The following ARHGAP22 variants were observed in gnomAD, a reference collection of about 807,000 sequenced individuals.
ARHGAP22 encodes the protein rho GTPase-activating protein 22.
A neutral mutation model predicts 59.1 loss-of-function variants in ARHGAP22; 48 were observed. That is an observed-to-expected ratio of 0.81 (90% CI 0.64 to 1.03). ARHGAP22 has a LOEUF of 1.03. Ranked by LOEUF, ARHGAP22 falls within the 50% of genes least tolerant of loss-of-function variation. The probability of loss-of-function intolerance (pLI) is 0.00; values close to 1 mark genes in which losing one functional copy is unlikely to be tolerated. For missense variants in ARHGAP22, 1,015 were observed against 958.7 expected (o/e 1.06, Z -0.78); for synonymous variants, 445 against 416.4 (o/e 1.07, Z -0.84).
intron 1 of ARHGAP22, among the ~76,000 whole-genome samples, chr10:48,590,476 G>C (rs1333352488): frequency 6.6e-6 from 1 of 152,156 alleles, no homozygotes; most frequent in Non-Finnish European, 1.5e-5. Context: ...CCTCTGCTCG[G>C]AAGTGCCCCA....
chr10:48,643,090 C>T (rs1201230353), intron 1 of ARHGAP22, among the ~76,000 whole-genome samples: 1 of 152,184 alleles, frequency 6.6e-6, no homozygotes, highest in African/African-American at 2.4e-5. Context: ...CAAGAAACAA[C>T]AGGTGCTGGA....
At chr10:48,567,723 G>A (rs2058137459) in intron 2 of ARHGAP22, among the ~76,000 whole-genome samples, 1 of 152,058 alleles carries the variant, frequency 6.6e-6, no homozygotes, top group South Asian at 2.1e-4. Flanking sequence ...AAAACTGCCA[G>A]TGACCTCCAG....
intron 2 of ARHGAP22, among the ~76,000 whole-genome samples, chr10:48,579,661 G>A (rs964289611): frequency 6.6e-5 from 10 of 152,216 alleles, no homozygotes; most frequent in African/African-American, 2.4e-4. Flanking sequence ...AGGAATGTGG[G>A]CTGGGAGTGA....
intron 1 of ARHGAP22, among the ~76,000 whole-genome samples, chr10:48,593,976 T>G (rs938654709): frequency 2.0e-5 from 3 of 152,228 alleles, no homozygotes; most frequent in African/African-American, 7.2e-5. Context: ...GGGAATGAAT[T>G]TTTTTATTAT....
chr10:48,462,352 T>C lies in ARHGAP22; in HGVS notation c.452-2461A>G, dbSNP rs145613607. On this transcript the variant is annotated intron_variant, in intron 4 of 9. Transcript: ENST00000249601. ...ATTTTACACTCATCAGCACATTTAA[T>C]CCTACCCATCTGATAACTTAGGGAC... Among the ~76,000 whole-genome samples, 863 of 152,222 alleles carry C rather than the reference T, an allele frequency of 5.7e-3. 2 individuals carry two copies. Among genetic ancestry groups the C allele is most frequent in the Non-Finnish European group, 9.3e-3 (633 of 68,032 alleles).
At chr10:48,535,247 G>A (rs568200487) in intron 3 of ARHGAP22, among the ~76,000 whole-genome samples, 1 of 152,322 alleles carries the variant, frequency 6.6e-6, no homozygotes, top group Non-Finnish European at 1.5e-5. Flanking sequence ...ATTCATGCTT[G>A]CTGCTCTAAC....
exon 1 of ARHGAP22, chr10:48,652,392 C>T: frequency 1.1e-6 from 1 of 910,544 alleles, no homozygotes; most frequent in African/African-American, 1.7e-5. Flanking sequence ...ACAGGAGATC[C>T]ACATCTATAG....
At chr10:48,510,695 G>C (rs2052670987) in intron 3 of ARHGAP22, 1 of 152,266 alleles carries the variant, frequency 6.6e-6, no homozygotes, top group Admixed American at 6.5e-5. Flanking sequence ...TGCAGAACTT[G>C]TGCTCAAGTC....
intron 2 of ARHGAP22, among the ~76,000 whole-genome samples, chr10:48,568,823 C>T (rs1300829009): frequency 6.6e-6 from 1 of 152,152 alleles, no homozygotes; most frequent in African/African-American, 2.4e-5. Context: ...CCTGGGTTGG[C>T]AGCACTGAAC....
At chr10:48,444,608 T>A (rs1320786410), downstream of ARHGAP22, 1 of 152,214 alleles carries the variant, frequency 6.6e-6, no homozygotes, top group Non-Finnish European at 1.5e-5. Flanking sequence ...CTTCCTTTCA[T>A]CATGGGAAAC....
At chr10:48,524,138 C>T (rs1344252360) in intron 3 of ARHGAP22, 10 of 1,270,816 alleles carry the variant, frequency 7.9e-6, no homozygotes, top group Non-Finnish European at 9.9e-6. Context: ...CTCGGCTCCT[C>T]TCCCCGCCTG....
chr10:48,470,929 A>G (rs1237086340), intron 4 of ARHGAP22, among the ~76,000 whole-genome samples: 1 of 152,132 alleles, frequency 6.6e-6, no homozygotes, highest in Admixed American at 6.5e-5. Flanking sequence ...GGGGGTAATC[A>G]CCTTTCACTC....
chr10:48,557,685 C>T (rs7350424), intron 2 of ARHGAP22, among the ~76,000 whole-genome samples: 1 of 152,134 alleles, frequency 6.6e-6, no homozygotes, highest in Non-Finnish European at 1.5e-5. Context: ...AAGAAGCCAC[C>T]GTGGAGAGCC....
chr10:48,653,256 A>G (rs1347754457), upstream of ARHGAP22, among the ~76,000 whole-genome samples: 2 of 152,242 alleles, frequency 1.3e-5, 1 homozygote, highest in Admixed American at 1.3e-4. Context: ...AGAGCATAAA[A>G]GCAGTTAAAA....
At chr10:48,533,682 T>C (rs979785346) in intron 3 of ARHGAP22, among the ~76,000 whole-genome samples, 4 of 152,244 alleles carry the variant, frequency 2.6e-5, no homozygotes, top group Non-Finnish European at 4.4e-5. Context: ...ACCATTGTGG[T>C]GTGAAATCAA....
intron 1 of ARHGAP22, among the ~76,000 whole-genome samples, chr10:48,596,155 G>A (rs1162372445): frequency 6.6e-6 from 1 of 152,200 alleles, no homozygotes; most frequent in Non-Finnish European, 1.5e-5. Flanking sequence ...ATTCAGCAAG[G>A]GCAGTGGGAA....
chr10:48,479,550 G>C, intron 4 of ARHGAP22, 86 bp downstream of exon 4: 1 of 1,606,322 alleles, frequency 6.2e-7, no homozygotes, highest in Non-Finnish European at 8.5e-7. Context: ...CAGTGAGCAG[G>C]GTCTTTGGGG....
intron 1 of ARHGAP22, among the ~76,000 whole-genome samples, chr10:48,636,452 C>A (rs1187973801): frequency 6.6e-6 from 1 of 152,176 alleles, no homozygotes; most frequent in Non-Finnish European, 1.5e-5. Context: ...GCCCACTGGG[C>A]TGCTCCTGCC....
rs1253060433 is a variant in ARHGAP22, at chr10:48,583,683, C to A, written c.35-531G>T. ...CTAGCAGGGTTCCTGTTGCTCAGGT[C>A]CAGAAGGAACTGGCCCCACCCAGAT... On this transcript the variant is annotated intron_variant, in intron 1 of 9. Coordinates refer to ENST00000249601, the MANE Select transcript of ARHGAP22 (RefSeq NM_021226.4). 3.3e-5 allele frequency among the ~76,000 whole-genome samples: 5 copies of A among 152,206 alleles called. No individual in the cohort carries two copies. The East Asian group carries it at 9.6e-4, about 29-fold the overall frequency.
Sources: allele counts gnomAD v4.1 joint callset (sites outside exome capture counted in the v4.1 genomes callset), GRCh38; gene constraint gnomAD v4.1.1; transcripts MANE v1.5; gene names NCBI Gene and HGNC (gene_info 2026-07-23, HGNC 2026-07-21).